PLEKHG1: variants seen among roughly 807,000 people sequenced by gnomAD.
The protein encoded by PLEKHG1 is pleckstrin homology domain-containing family G member 1.
A neutral mutation model predicts 100.8 loss-of-function variants in PLEKHG1; 44 were observed. That is an observed-to-expected ratio of 0.44 (90% CI 0.34 to 0.56). PLEKHG1 has a LOEUF of 0.56. PLEKHG1 is among the 20% of genes least tolerant of loss of function. PLEKHG1 has a pLI of 0.01. For missense variants in PLEKHG1, 1,545 were observed against 1,720.9 expected (o/e 0.90, Z 1.81); for synonymous variants, 640 against 662.5 (o/e 0.97, Z 0.52).
At chr6:150,716,893 C>A (rs1031239185), upstream of PLEKHG1, among the ~76,000 whole-genome samples, 1 of 152,158 alleles carries the variant, frequency 6.6e-6, no homozygotes, top group East Asian at 1.9e-4. Flanking sequence ...GCTCTGTCAC[C>A]CAGGCTGGAG....
chr6:150,835,420 C>A (rs1312918870), intron 15 of PLEKHG1, among the ~76,000 whole-genome samples: 1 of 152,100 alleles, frequency 6.6e-6, no homozygotes, highest in African/African-American at 2.4e-5. Context: ...TTATTTTAAT[C>A]CTCTGTCTGG....
chr6:150,820,293 C>A (rs1006371391), intron 12 of PLEKHG1, among the ~76,000 whole-genome samples: 3 of 152,086 alleles, frequency 2.0e-5, no homozygotes, highest in Non-Finnish European at 4.4e-5. Context: ...GTACATCTTA[C>A]CATTGACATG....
chr6:150,751,060 A>G (rs1448009772), intron 2 of PLEKHG1, among the ~76,000 whole-genome samples: 2 of 152,352 alleles, frequency 1.3e-5, no homozygotes, highest in South Asian at 2.1e-4. Context: ...AGAGATATTC[A>G]TATAATAGTT....
intron 1 of PLEKHG1, among the ~76,000 whole-genome samples, chr6:150,628,851 G>A (rs1473005552): frequency 6.6e-6 from 1 of 152,186 alleles, no homozygotes; most frequent in East Asian, 1.9e-4. Flanking sequence ...TAAGAATGTA[G>A]TGCTGTCATC....
intron 3 of PLEKHG1, among the ~76,000 whole-genome samples, chr6:150,686,113 C>T (rs748560833): frequency 1.3e-5 from 2 of 152,230 alleles, no homozygotes; most frequent in Non-Finnish European, 2.9e-5. Flanking sequence ...AGGGGGCACA[C>T]GGGAGCAGTG....
intron 3 of PLEKHG1, chr6:150,662,789 C>CGG (rs1779246807): frequency 6.6e-6 from 1 of 152,166 alleles, no homozygotes; most frequent in Non-Finnish European, 1.5e-5. Flanking sequence ...TGCATTCTCA[C>CGG]GGGGGTTCAA....
chr6:150,804,173 A>AT (rs1786889406), intron 6 of PLEKHG1, among the ~76,000 whole-genome samples: 9 of 35,006 alleles, frequency 2.6e-4, no homozygotes, highest in Admixed American at 5.4e-4. Flanking sequence ...ATATATATAT[A>AT]TATTTTTTTT....
chr6:150,840,865 T>C, exon 16 of PLEKHG1: 1 of 1,612,286 alleles, frequency 6.2e-7, no homozygotes, highest in Non-Finnish European at 8.5e-7. Context: ...AGGGAAAAAT[T>C]TCAGTGTCTC....
chr6:150,744,790 GA>G (rs1389636890), intron 2 of PLEKHG1, among the ~76,000 whole-genome samples: 5 of 152,194 alleles, frequency 3.3e-5, no homozygotes, highest in African/African-American at 7.2e-5. Flanking sequence ...CTGGCTTCTT[GA>G]AACTTGGAGC....
chr6:150,765,510 T>G (rs1029086929), intron 2 of PLEKHG1, among the ~76,000 whole-genome samples: 1 of 127,946 alleles, frequency 7.8e-6, no homozygotes, highest in Non-Finnish European at 1.6e-5. Context: ...AAAAAAAAAT[T>G]TAATGTGATA....
chr6:150,642,369 G>A (rs919364046), intron 2 of PLEKHG1, among the ~76,000 whole-genome samples: 1 of 152,100 alleles, frequency 6.6e-6, no homozygotes. Context: ...CAGTTTCTGT[G>A]GCTTCCTCCA....
intron 1 of PLEKHG1, among the ~76,000 whole-genome samples, chr6:150,613,934 C>A (rs1776955768): frequency 6.6e-6 from 1 of 152,160 alleles, no homozygotes; most frequent in Admixed American, 6.5e-5. Flanking sequence ...CAATTAACAC[C>A]TCTAATAAAA....
exon 8 of PLEKHG1, chr6:150,809,165 G>A (rs778490258): frequency 6.2e-7 from 1 of 1,613,764 alleles, no homozygotes; most frequent in Non-Finnish European, 8.5e-7. Flanking sequence ...CGGGGAACTG[G>A]TGCTTGAGGG....
At chr6:150,686,666 C>T (rs1429701296) in intron 3 of PLEKHG1, 6 of 152,158 alleles carry the variant, frequency 3.9e-5, no homozygotes, top group Non-Finnish European at 2.9e-5. Context: ...CTTGTCTCAC[C>T]TCCCAAGCTT....
At chr6:150,671,088 CATAT>C (rs10566696) in intron 3 of PLEKHG1, among the ~76,000 whole-genome samples, 57 of 147,292 alleles carry the variant, frequency 3.9e-4, no homozygotes, top group South Asian at 4.3e-4. Flanking sequence ...AGTATTCCAT[CATAT>C]ATATATATAT....
At chr6:150,822,862 C>T (rs1776382504) in intron 13 of PLEKHG1, among the ~76,000 whole-genome samples, 1 of 152,154 alleles carries the variant, frequency 6.6e-6, no homozygotes, top group Non-Finnish European at 1.5e-5. Context: ...TGCCTGTAAT[C>T]CCAGCTACTG....
chr6:150,837,425 G>A lies in PLEKHG1; in HGVS notation c.3095-2408G>A, dbSNP rs551460127. ...ATAAGACAAAGGCATGGGAAATACT[G>A]TGGATATTTTGGATGATATGTGATT... On this transcript the variant is annotated intron_variant, in intron 15 of 15. Transcript: ENST00000358517. Among the ~76,000 whole-genome samples, 9 of 152,370 alleles carry A rather than the reference G, an allele frequency of 5.9e-5. No homozygotes were observed. In the South Asian group the frequency reaches 1.9e-3, roughly 32 times the overall value.
intron 2 of PLEKHG1, among the ~76,000 whole-genome samples, chr6:150,742,596 C>T (rs1350817551): frequency 1.4e-5 from 2 of 142,590 alleles, no homozygotes; most frequent in Non-Finnish European, 3.0e-5. Context: ...AAAAAAAGAG[C>T]GCAGGGAGGG....
chr6:150,690,841 A>G (rs1475903406), intron 3 of PLEKHG1, among the ~76,000 whole-genome samples: 1 of 152,220 alleles, frequency 6.6e-6, no homozygotes, highest in Admixed American at 6.5e-5. Flanking sequence ...GTGTGATTTC[A>G]GGAATTCTGT....
Sources: allele counts gnomAD v4.1 joint callset (sites outside exome capture counted in the v4.1 genomes callset), GRCh38; gene constraint gnomAD v4.1.1; transcripts MANE v1.5; gene names NCBI Gene and HGNC (gene_info 2026-07-23, HGNC 2026-07-21).